Variants in GOLM2 observed in about 807,000 individuals in gnomAD.
GOLM2 encodes golgi membrane protein 2.
GOLM2 carries 26 observed loss-of-function variants against 55.9 expected under a neutral mutation model. That is an observed-to-expected ratio of 0.47 (90% CI 0.34 to 0.65). The LOEUF is 0.65. Ranked by LOEUF, GOLM2 falls within the 30% of genes least tolerant of loss-of-function variation. The pLI is 0.01. For synonymous variants in GOLM2, 165 were observed against 194.6 expected, an observed-to-expected ratio of 0.85 and a Z score of 1.27; for missense variants, 486 against 531.8, an observed-to-expected ratio of 0.91 and a Z score of 0.85.
At chr15:44,373,876 G>T (rs2079347012) in intron 6 of GOLM2, among the ~76,000 whole-genome samples, 2 of 152,038 alleles carry the variant, frequency 1.3e-5, no homozygotes, top group Admixed American at 1.3e-4. Context: ...TAAGATGGGC[G>T]AATCACTTGA....
chr15:44,355,768 C>G (rs1339910371), intron 6 of GOLM2: 1 of 158,408 alleles, frequency 6.3e-6, no homozygotes, highest in Non-Finnish European at 1.4e-5. Context: ...GAGTCCCTGC[C>G]TCACTCCGTC....
intron 1 of GOLM2, among the ~76,000 whole-genome samples, chr15:44,313,995 T>A (rs1191125345): frequency 6.6e-6 from 1 of 152,064 alleles, no homozygotes; most frequent in African/African-American, 2.4e-5. Flanking sequence ...CCCAACACTT[T>A]GGGAGGTCGA....
chr15:44,340,988 A>G (rs1415746668), intron 6 of GOLM2, among the ~76,000 whole-genome samples: 1 of 151,838 alleles, frequency 6.6e-6, no homozygotes, highest in Non-Finnish European at 1.5e-5. Context: ...GCATACATTA[A>G]TTTTTCATGT....
intron 6 of GOLM2, among the ~76,000 whole-genome samples, chr15:44,356,653 C>A (rs538022136): frequency 6.6e-6 from 1 of 152,286 alleles, no homozygotes; most frequent in African/African-American, 2.4e-5. Flanking sequence ...AGAAACTATA[C>A]CCCTTATCTA....
chr15:44,373,263 C>G (rs2079341081), intron 6 of GOLM2, among the ~76,000 whole-genome samples: 1 of 151,764 alleles, frequency 6.6e-6, no homozygotes, highest in Admixed American at 6.6e-5. Flanking sequence ...GGAGACCATC[C>G]TGGCTAACAC....
chr15:44,304,894 T>A (rs2078826012), intron 1 of GOLM2, among the ~76,000 whole-genome samples: 1 of 152,252 alleles, frequency 6.6e-6, no homozygotes, highest in Non-Finnish European at 1.5e-5. Flanking sequence ...CATCTGCAGT[T>A]ACTTCCTCCA....
intron 6 of GOLM2, among the ~76,000 whole-genome samples, chr15:44,378,194 G>C (rs532032456): frequency 6.6e-6 from 1 of 151,118 alleles, no homozygotes; most frequent in East Asian, 1.9e-4. Flanking sequence ...GACTACAGGT[G>C]CCCGCCACCA....
chr15:44,410,115 G>A (rs557226325), intron 9 of GOLM2, among the ~76,000 whole-genome samples: 2 of 152,030 alleles, frequency 1.3e-5, no homozygotes, highest in Admixed American at 1.3e-4. Flanking sequence ...GAGCTTTCTG[G>A]AGAGGTACCC....
chr15:44,311,724 A>G (rs1057371522), intron 1 of GOLM2, among the ~76,000 whole-genome samples: 3 of 152,094 alleles, frequency 2.0e-5, no homozygotes, highest in Non-Finnish European at 2.9e-5. Flanking sequence ...ATCTTGGCTC[A>G]CTGCAACCTC....
At chr15:44,372,933 G>A (rs1466528783) in intron 6 of GOLM2, among the ~76,000 whole-genome samples, 1 of 152,020 alleles carries the variant, frequency 6.6e-6, no homozygotes, top group Non-Finnish European at 1.5e-5. Flanking sequence ...TCATACCTCT[G>A]CTCAAATGAT....
Position 44,328,723 on chromosome 15 carries a change from G to A in GOLM2, c.421G>A (p.Glu141Lys). 6.2e-7 allele frequency: 1 copy of A among 1,613,312 alleles called. No individual in the cohort carries two copies. The change falls in exon 3 of 10, where the codon GAA (glutamate) becomes AAA (lysine). Residue 141 changes from glutamate (E) to lysine (K), a missense_variant. By Grantham distance (56) the Glu-to-Lys change is moderately conservative. Coordinates refer to ENST00000299957, the MANE Select transcript of GOLM2 (RefSeq NM_138423.4). The part of the protein sequence containing the change: ...AELRQEFLRQ[E>K]DQLQDYRKNN... ...GCTTCGTCAGGAATTTCTTCGACAA[G>A]AAGACCAGCTTCAGGACTATAGGAA...
chr15:44,370,032 C>T (rs1040593095), intron 6 of GOLM2, among the ~76,000 whole-genome samples: 5 of 152,204 alleles, frequency 3.3e-5, no homozygotes, highest in South Asian at 2.1e-4. Flanking sequence ...GCATCCAGCA[C>T]GAGAGAAAGA....
chr15:44,386,208 T>C (rs898535789), intron 8 of GOLM2, among the ~76,000 whole-genome samples: 14 of 152,206 alleles, frequency 9.2e-5, no homozygotes, highest in Admixed American at 6.5e-5. Flanking sequence ...AGTTAGTTTT[T>C]GTATATGGTT....
intron 6 of GOLM2, among the ~76,000 whole-genome samples, chr15:44,344,225 A>C (rs1244208115): frequency 6.7e-6 from 1 of 149,424 alleles, no homozygotes; most frequent in African/African-American, 2.5e-5. Flanking sequence ...ACACCACTGC[A>C]CTCCAGCCTG....
intron 9 of GOLM2, among the ~76,000 whole-genome samples, chr15:44,407,605 C>CT (rs937307222): frequency 7.3e-5 from 11 of 150,496 alleles, no homozygotes; most frequent in East Asian, 3.9e-4. Flanking sequence ...CGAATTCTTG[C>CT]TTTTTTTTTA....
At position 44,414,472 on chromosome 15, in the gene GOLM2, T is replaced by A. The variant is rs1424343270; in HGVS notation, c.*1066T>A. The A allele has an allele frequency of 1.3e-5, 2 of 152,226 alleles. No homozygotes were observed. The highest frequency in any genetic ancestry group is 2.9e-5 in the Non-Finnish European group (2 of 68,036). The allele number at this position is 152,226 out of a possible 1,614,324, so 9.4% of individuals were successfully genotyped here. ...ATTTTTTCAAGTAATACCAGTACTG[T>A]TTAACTATAGCCAGAACTGGCTAAA... On this transcript the variant is annotated 3_prime_UTR_variant, in exon 10 of 10. Transcript: ENST00000299957.
Position 44,295,875 on chromosome 15 carries a change from G to A in GOLM2, c.327+6519G>A, listed in dbSNP as rs142361488. 6.0e-5 allele frequency among the ~76,000 whole-genome samples: 9 copies of A among 151,110 alleles called. No homozygotes were observed. In the East Asian group the frequency reaches 1.7e-3, roughly 29 times the overall value. ...TGGGACTTCAACATGTGAATTTGGG[G>A]GAAACACAGTTCATCTTAGAACAAG... On this transcript the variant is annotated intron_variant, in intron 1 of 9. Transcript: ENST00000299957.
At position 44,370,397 on chromosome 15, in the gene GOLM2, A is replaced by G. The variant is rs1212692742; in HGVS notation, c.803-9293A>G. On this transcript the variant is annotated intron_variant, in intron 6 of 9. Coordinates refer to ENST00000299957, the MANE Select transcript of GOLM2 (RefSeq NM_138423.4). ...AACTCTAGAGTGTGGCCTAAAAATG[A>G]TAATAATCATAAGTAATTAGTCTAG... 2.6e-5 allele frequency among the ~76,000 whole-genome samples: 4 copies of G among 152,162 alleles called. No individual in the cohort carries two copies. In the South Asian group the frequency reaches 8.3e-4, roughly 32 times the overall value.
intron 6 of GOLM2, among the ~76,000 whole-genome samples, chr15:44,361,408 C>G (rs1056100764): frequency 6.6e-6 from 1 of 151,650 alleles, no homozygotes; most frequent in African/African-American, 2.4e-5. Context: ...TCAGAGAATA[C>G]TACAAACACC....
Sources: gnomAD v4.1 joint callset for allele counts (sites outside exome capture counted in the v4.1 genomes callset) on GRCh38, gnomAD v4.1.1 for gene constraint, MANE v1.5 for transcripts, NCBI Gene and HGNC (gene_info 2026-07-23, HGNC 2026-07-21) for gene names.